Variants in CTNNA2 observed in about 807,000 individuals in gnomAD.
CTNNA2 encodes catenin alpha 2, also known as catenin alpha-2.
In CTNNA2, 42 loss-of-function variants were observed where a neutral mutation model predicts 101.0. That is an observed-to-expected ratio of 0.42 (90% CI 0.32 to 0.54). The LOEUF is 0.54. Among genes scored for constraint, CTNNA2 ranks in the 20% least tolerant of loss-of-function variants. The pLI, the probability that CTNNA2 is intolerant of heterozygous loss-of-function variation, is 0.14. For synonymous variants in CTNNA2, 450 were observed against 456.4 expected (o/e 0.99, Z 0.18); for missense variants, 871 against 1,223.1 (o/e 0.71, Z 4.29).
intron 8 of CTNNA2, among the ~76,000 whole-genome samples, chr2:80,413,805 A>G (rs773844381): frequency 5.9e-5 from 9 of 152,224 alleles, no homozygotes; most frequent in Non-Finnish European, 1.3e-4. Flanking sequence ...AGCCATATTC[A>G]TGGAAAGATT....
intron 1 of CTNNA2, among the ~76,000 whole-genome samples, chr2:79,577,183 A>C (rs1157164477): frequency 6.6e-6 from 1 of 152,098 alleles, no homozygotes; most frequent in Non-Finnish European, 1.5e-5. Flanking sequence ...TAAGAAATAT[A>C]TATTCCTGGT....
intron 1 of CTNNA2, among the ~76,000 whole-genome samples, chr2:79,530,857 A>G (rs1412566232): frequency 4.2e-5 from 6 of 142,564 alleles, no homozygotes; most frequent in Admixed American, 4.1e-4. Context: ...TAAGTGGAGC[A>G]GTTTGAGCAC....
At chr2:79,594,147 C>G (rs919359618) in intron 1 of CTNNA2, among the ~76,000 whole-genome samples, 9 of 152,096 alleles carry the variant, frequency 5.9e-5, no homozygotes, top group Non-Finnish European at 1.2e-4. Context: ...CTCGGCCTCC[C>G]AAAGTGCTGG....
chr2:79,560,485 G>C (rs1674707082), intron 1 of CTNNA2, among the ~76,000 whole-genome samples: 1 of 151,888 alleles, frequency 6.6e-6, no homozygotes, highest in Non-Finnish European at 1.5e-5. Flanking sequence ...TATTGAAGTT[G>C]GCTTTAATTC....
rs1695378912 is a variant in CTNNA2, at chr2:80,032,847, C to G, written c.1056+123050C>G. Among the ~76,000 whole-genome samples, 4 of 152,080 alleles carry G rather than the reference C, an allele frequency of 2.6e-5. No homozygotes were observed. In the South Asian group the frequency reaches 8.3e-4, roughly 32 times the overall value. On this transcript the variant is annotated intron_variant, in intron 7 of 18. Transcript: ENST00000402739. ...GGAAGTCTATCATGGAAAGACATAC[C>G]ACCATGTGCTTGGACAAGATAACGA...
intron 7 of CTNNA2, among the ~76,000 whole-genome samples, chr2:80,254,075 T>C (rs1273130249): frequency 1.3e-5 from 2 of 152,162 alleles, no homozygotes; most frequent in East Asian, 3.9e-4. Context: ...GCCTCTGGTA[T>C]ACAGGTTATG....
intron 18 of CTNNA2, among the ~76,000 whole-genome samples, chr2:80,621,761 T>TA (rs3836006): frequency 0.33 from 49,383 of 151,622 alleles, 9,350 homozygotes; most frequent in East Asian, 0.45. Context: ...CTATGGGGGA[T>TA]AAAAAAGTGT....
chr2:80,528,074 T>G (rs542253133), intron 9 of CTNNA2, among the ~76,000 whole-genome samples: 1 of 152,302 alleles, frequency 6.6e-6, no homozygotes. Flanking sequence ...AAGGGAAAAT[T>G]TTCTTATAGA....
intron 7 of CTNNA2, among the ~76,000 whole-genome samples, chr2:80,048,772 A>G (rs1696687554): frequency 6.6e-6 from 1 of 152,230 alleles, no homozygotes; most frequent in Non-Finnish European, 1.5e-5. Flanking sequence ...GGTCAGTAGA[A>G]CTAATGGGAA....
At chr2:79,763,236 T>A (rs1206807603) in intron 3 of CTNNA2, among the ~76,000 whole-genome samples, 1 of 152,242 alleles carries the variant, frequency 6.6e-6, no homozygotes, top group Non-Finnish European at 1.5e-5. Flanking sequence ...CTAAACCAGT[T>A]ATTCCAGATG....
intron 2 of CTNNA2, among the ~76,000 whole-genome samples, chr2:79,660,614 C>A (rs1021674080): frequency 2.0e-5 from 3 of 152,000 alleles, no homozygotes; most frequent in African/African-American, 7.2e-5. Context: ...GAATTGAGGT[C>A]CTCTGGTAGT....
chr2:79,424,012 T>C (rs1198462614), intron 4 of CTNNA2, among the ~76,000 whole-genome samples: 1 of 151,994 alleles, frequency 6.6e-6, no homozygotes, highest in East Asian at 1.9e-4. Flanking sequence ...CCACTGCTTG[T>C]GATTTGTCCA....
At chr2:79,550,879 G>A (rs1433959869) in intron 1 of CTNNA2, among the ~76,000 whole-genome samples, 1 of 152,116 alleles carries the variant, frequency 6.6e-6, no homozygotes, top group African/African-American at 2.4e-5. Flanking sequence ...TGCCTCCAAG[G>A]ACTGCTGTGC....
At chr2:79,370,265 A>T (rs1677840319) in intron 3 of CTNNA2, among the ~76,000 whole-genome samples, 1 of 152,232 alleles carries the variant, frequency 6.6e-6, no homozygotes, top group South Asian at 2.1e-4. Flanking sequence ...AAATTGAAAG[A>T]TCACTCAGAA....
At chr2:80,307,777 G>A (rs190893105) in intron 7 of CTNNA2, among the ~76,000 whole-genome samples, 98 of 152,338 alleles carry the variant, frequency 6.4e-4, no homozygotes, top group Non-Finnish European at 2.1e-4. Context: ...TGCAAGTCTA[G>A]TACTAATAGT....
chr2:79,612,611 GA>G (rs1386315326), intron 1 of CTNNA2, among the ~76,000 whole-genome samples: 9 of 152,008 alleles, frequency 5.9e-5, no homozygotes, highest in African/African-American at 1.9e-4. Context: ...TTGTTTTGGG[GA>G]AAAAAATTCA....
chr2:80,545,129 C>A, intron 10 of CTNNA2, 55 bp downstream of exon 10: 1 of 1,505,322 alleles, frequency 6.6e-7, no homozygotes, highest in Non-Finnish European at 9.2e-7. Context: ...TCCACTCCAG[C>A]CCTTGTGCCC....
chr2:80,146,710 GTTT>G (rs34019123), intron 7 of CTNNA2, among the ~76,000 whole-genome samples: 561 of 61,372 alleles, frequency 9.1e-3, no homozygotes, highest in African/African-American at 0.029. Flanking sequence ...GTCCCCTCTG[GTTT>G]TTTTTTTTTT....
At chr2:79,785,637 T>C (rs1479779672) in intron 3 of CTNNA2, among the ~76,000 whole-genome samples, 1 of 152,212 alleles carries the variant, frequency 6.6e-6, no homozygotes, top group Admixed American at 6.5e-5. Context: ...CCAGAATATT[T>C]AATCCATGGG....
Sources: gnomAD v4.1 joint callset for allele counts (sites outside exome capture counted in the v4.1 genomes callset) on GRCh38, gnomAD v4.1.1 for gene constraint, MANE v1.5 for transcripts, NCBI Gene and HGNC (gene_info 2026-07-23, HGNC 2026-07-21) for gene names.